The following IFNLR1 variants were observed in gnomAD, a reference collection of about 807,000 sequenced individuals.
The protein encoded by IFNLR1 is CRF2-12.
In IFNLR1, 28 loss-of-function variants were observed where a neutral mutation model predicts 52.5. The ratio of observed to expected loss-of-function variants is 0.53; its 90% CI spans 0.40 to 0.73. The LOEUF is 0.73. Ranked by LOEUF, IFNLR1 falls within the 30% of genes least tolerant of loss-of-function variation. The pLI, the probability that IFNLR1 is intolerant of heterozygous loss-of-function variation, is 0.00. For synonymous variants in IFNLR1, 276 were observed against 274.9 expected (o/e 1.00, Z -0.04); for missense variants, 623 against 659.1 (o/e 0.95, Z 0.60).
At chr1:24,165,581 G>T (rs1644510935) in intron 3 of IFNLR1, among the ~76,000 whole-genome samples, 1 of 152,182 alleles carries the variant, frequency 6.6e-6, no homozygotes, top group South Asian at 2.1e-4. Context: ...ATGTGACAAG[G>T]AATATGGCAG....
At position 24,162,938 on chromosome 1, in the gene IFNLR1, C is replaced by CT. The variant is rs1553162263; in HGVS notation, c.368-1255dup. Among the ~76,000 whole-genome samples the CT allele has an allele frequency of 1.9e-4, 15 of 80,628 alleles. 1 individual carries two copies. The highest frequency in any genetic ancestry group is 7.3e-4 in the African/African-American group (14 of 19,142). 52.9% of individuals were successfully genotyped at this position (80,628 alleles called of 152,430 possible). A position where few individuals can be genotyped will look rare whatever the true frequency, so the allele number is the denominator to read the frequency against. ...TTCCTTTTCTTTCTTTTCTTTCTTT[C>CT]TCTTTCTTTCTTCTTTCTTTCCTCT... is the stretch of plus-strand genomic sequence containing the variant. On this transcript the variant is annotated intron_variant, in intron 3 of 6. Coordinates refer to ENST00000327535, the MANE Select transcript of IFNLR1 (RefSeq NM_170743.4).
chr1:24,162,752 CT>C (rs1644462140), intron 3 of IFNLR1, among the ~76,000 whole-genome samples: 1 of 37,752 alleles, frequency 2.6e-5, no homozygotes. Flanking sequence ...TTCTTTCTTT[CT>C]TTCTTTCTTT....
chr1:24,162,117 G>A (rs944431995), intron 3 of IFNLR1, among the ~76,000 whole-genome samples: 2 of 152,210 alleles, frequency 1.3e-5, no homozygotes, highest in African/African-American at 2.4e-5. Context: ...GTCCAGGTGG[G>A]CTCAGCTGGT....
chr1:24,169,459 A>G lies in IFNLR1; in HGVS notation c.325T>C (p.Ser109Pro), dbSNP rs1644555004. The part of the protein sequence containing the change: ...RVRTVSPSSK[S>P]PWVESEYLDY... ...AGGTATTCGGACTCCACCCAGGGGG[A>G]CTTGGAGCTGGGAGAAACCGTCCGC... Residue 109 changes from serine to proline, a missense_variant, in exon 3 of 7, where the codon TCC becomes CCC. By Grantham distance (74) the Ser-to-Pro change is moderately conservative (BLOSUM62 -1). Coordinates refer to ENST00000327535, the MANE Select transcript of IFNLR1 (RefSeq NM_170743.4). 1.2e-6 allele frequency: 2 copies of G among 1,614,166 alleles called. No individual in the cohort carries two copies. Among genetic ancestry groups the G allele is most frequent in the East Asian group, 4.5e-5 (2 of 44,872 alleles).
intron 4 of IFNLR1, 38 bp from the exon 5 acceptor site, chr1:24,159,671 TG>T (rs1268854127): frequency 6.9e-6 from 11 of 1,601,666 alleles, no homozygotes; most frequent in Non-Finnish European, 8.5e-6. Flanking sequence ...AGAGCTGCTG[TG>T]GGGACTGGTT....
Position 24,155,582 on chromosome 1 carries a change from CT to C in IFNLR1, c.*1547del, listed in dbSNP as rs1644370564. 1 of 152,268 alleles carries C rather than the reference CT, an allele frequency of 6.6e-6. No individual in the cohort carries two copies. Among genetic ancestry groups the C allele is most frequent in the Non-Finnish European group, 1.5e-5 (1 of 68,072 alleles). 9.4% of individuals were successfully genotyped at this position (152,268 alleles called of 1,614,324 possible). ...GGCTCCTATAGCCCCATGGCGCCCC[CT>C]GCAACTGCAGCCCAAGGCCTCTGGG... On this transcript the variant is annotated 3_prime_UTR_variant, in exon 7 of 7. Transcript: ENST00000327535.
chr1:24,159,739 T>TTTTTTTTTTTTTG, intron 4 of IFNLR1, 106 bp from the exon 5 acceptor site: 3 of 987,304 alleles, frequency 3.0e-6, no homozygotes, highest in South Asian at 1.8e-5. Context: ...TTTTTTTTGT[T>TTTTTTTTTTTTTG]TTTTTTTTTT....
chr1:24,177,908 A>G (rs767813670), intron 2 of IFNLR1, among the ~76,000 whole-genome samples: 2 of 152,228 alleles, frequency 1.3e-5, no homozygotes, highest in Non-Finnish European at 2.9e-5. Flanking sequence ...TAGATGTACC[A>G]TAGAAGTCAG....
chr1:24,186,314 A>G (rs11249020), intron 1 of IFNLR1, among the ~76,000 whole-genome samples: 133,820 of 152,170 alleles, frequency 0.88, 58,990 homozygotes, highest in African/African-American at 0.92. Context: ...CACCTCTGCC[A>G]TCCTTCTTGA....
At chr1:24,160,644 A>C (rs1185048447) in intron 4 of IFNLR1, among the ~76,000 whole-genome samples, 2 of 152,218 alleles carry the variant, frequency 1.3e-5, no homozygotes, top group African/African-American at 4.8e-5. Context: ...CGGGAGTGTG[A>C]ATGTTACTTT....
intron 3 of IFNLR1, among the ~76,000 whole-genome samples, chr1:24,163,555 C>T (rs1447583040): frequency 2.0e-5 from 3 of 151,184 alleles, no homozygotes; most frequent in East Asian, 3.9e-4. Flanking sequence ...CCCTCTGTCC[C>T]CCACCCAAAA....
chr1:24,174,406 T>A (rs1360187657), intron 2 of IFNLR1, among the ~76,000 whole-genome samples: 1 of 152,198 alleles, frequency 6.6e-6, no homozygotes, highest in Non-Finnish European at 1.5e-5. Flanking sequence ...TGGAATTGCA[T>A]AATGGGTAGA....
chr1:24,180,881 C>G (rs774386968), intron 1 of IFNLR1, 27 bp from the exon 2 acceptor site: 2 of 1,606,564 alleles, frequency 1.2e-6, no homozygotes, highest in Non-Finnish European at 1.7e-6. Context: ...GGTCATGAAG[C>G]CTGGAGCTCC....
chr1:24,186,874 TTC>T (rs1295329961), intron 1 of IFNLR1, among the ~76,000 whole-genome samples: 1 of 152,202 alleles, frequency 6.6e-6, no homozygotes, highest in Non-Finnish European at 1.5e-5. Context: ...GATCAGTGCT[TTC>T]TTTAGGAAAC....
chr1:24,180,681 C>CCCCCCCCCCCCCCCCCCCCCGTGCCCAA, intron 2 of IFNLR1, 50 bp downstream of exon 2: 1 of 1,201,982 alleles, frequency 8.3e-7, no homozygotes, highest in Non-Finnish European at 1.2e-6. Context: ...CTCCAGCCCC[C>CCCCCCCCCCCCCCCCCCCCCGTGCCCAA]ACCCACCCCC....
chr1:24,161,137 A>G (rs902699882), intron 4 of IFNLR1, among the ~76,000 whole-genome samples: 1 of 152,200 alleles, frequency 6.6e-6, no homozygotes, highest in African/African-American at 2.4e-5. Context: ...CATACGGCCC[A>G]TGAAGCCAAA....
intron 1 of IFNLR1, among the ~76,000 whole-genome samples, chr1:24,182,089 A>G (rs992228908): frequency 2.0e-5 from 3 of 151,894 alleles, no homozygotes; most frequent in Non-Finnish European, 4.4e-5. Flanking sequence ...AATCTCAGCT[A>G]CCTGGGAGGC....
chr1:24,167,398 T>C (rs11488398), intron 3 of IFNLR1, among the ~76,000 whole-genome samples: 2 of 152,154 alleles, frequency 1.3e-5, no homozygotes, highest in African/African-American at 2.4e-5. Flanking sequence ...AAATTTTTTT[T>C]TTTTGAGACA....
chr1:24,162,894 TCC>T (rs1644475971), intron 3 of IFNLR1, among the ~76,000 whole-genome samples: 1 of 90,338 alleles, frequency 1.1e-5, no homozygotes, highest in Non-Finnish European at 2.2e-5. Context: ...CTTCCTTCCT[TCC>T]TTCCTTCCTT....
Sources: allele counts gnomAD v4.1 joint callset (sites outside exome capture counted in the v4.1 genomes callset), GRCh38; gene constraint gnomAD v4.1.1; transcripts MANE v1.5; gene names NCBI Gene and HGNC (gene_info 2026-07-23, HGNC 2026-07-21).